C5: variants seen among roughly 807,000 people sequenced by gnomAD.
The protein encoded by C5 is complement C5.
Under a neutral mutation model 218.8 loss-of-function variants are expected in C5, and 140 were observed. That is an observed-to-expected ratio of 0.64 (90% CI 0.56 to 0.74). The LOEUF (loss-of-function observed/expected upper bound fraction) is 0.74. C5 is among the 30% of genes least tolerant of loss of function. The probability of loss-of-function intolerance (pLI) is 0.00; values close to 1 mark genes in which losing one functional copy is unlikely to be tolerated. For synonymous variants in C5, 614 were observed against 682.3 expected (o/e 0.90, Z 1.56); for missense variants, 1,700 against 1,969.6 (o/e 0.86, Z 2.59).
chr9:121,025,729 G>A (rs2047416310), intron 8 of C5, 149 bp from the exon 9 acceptor site: 3 of 686,112 alleles, frequency 4.4e-6, no homozygotes, highest in Non-Finnish European at 7.6e-6. Flanking sequence ...CCGAGTCCAC[G>A]ATTAAGCCCA....
At position 121,015,165 on chromosome 9, in the gene C5, T is replaced by C. The variant is rs374250376; in HGVS notation, c.2059+34A>G. 149 of 1,390,984 alleles carry C rather than the reference T, an allele frequency of 1.1e-4. 1 individual carries two copies. The African/African-American group carries it at 1.9e-3, about 18-fold the overall frequency. The allele number at this position is 1,390,984 out of a possible 1,614,324, so 86.2% of individuals were successfully genotyped here. A position where few individuals can be genotyped will look rare whatever the true frequency, so the allele number is the denominator to read the frequency against. The stretch of plus-strand genomic sequence containing the variant: ...GTCCAGTTTTTGAATGATATGACCA[T>C]AACCTTTTTACAATCACATGAATCT... On this transcript the variant is annotated intron_variant, in intron 16 of 40. Coordinates refer to ENST00000223642, the MANE Select transcript of C5 (RefSeq NM_001735.3).
chr9:121,009,761 G>T (rs529605510), intron 17 of C5, among the ~76,000 whole-genome samples: 1 of 152,346 alleles, frequency 6.6e-6, no homozygotes, highest in South Asian at 2.1e-4. Flanking sequence ...GAAGAGGGCA[G>T]GAAAGATAGT....
At chr9:120,963,455 A>C (rs1165420179) in intron 34 of C5, among the ~76,000 whole-genome samples, 181 bp downstream of exon 34, 1 of 152,164 alleles carries the variant, frequency 6.6e-6, no homozygotes, top group Non-Finnish European at 1.5e-5. Flanking sequence ...GCAATGAGCC[A>C]AGACTGCATC....
Position 121,023,465 on chromosome 9 carries a change from T to C in C5, c.1055A>G (p.Tyr352Cys), listed in dbSNP as rs983766923. ...IPGIKYVLSP[Y>C]KLNLVATPLF... is the part of the protein sequence containing the mutation. Reference sequence around the variant, plus strand: ...AGGAGTAGCAACCAAATTCAGTTTGTAGGGAGAGAGGACATATTTGATGCC... The same window carrying C: ...AGGAGTAGCAACCAAATTCAGTTTGCAGGGAGAGAGGACATATTTGATGCC... The change falls in exon 10 of 41, where the codon TAC (tyrosine) becomes TGC (cysteine). Residue 352 changes from tyrosine (Y) to cysteine (C), a missense_variant. Coordinates refer to ENST00000223642, the MANE Select transcript of C5 (RefSeq NM_001735.3). 7 of 1,614,034 alleles carry C rather than the reference T, an allele frequency of 4.3e-6. No individual in the cohort carries two copies. Among genetic ancestry groups the C allele is most frequent in the Non-Finnish European group, 5.9e-6 (7 of 1,179,916 alleles).
chr9:120,982,844 T>G, intron 25 of C5, 30 bp from the exon 26 acceptor site: 1 of 1,272,736 alleles, frequency 7.9e-7, no homozygotes, highest in Admixed American at 1.8e-5. Flanking sequence ...AAATAAATAT[T>G]TAGAACGCTG....
upstream of C5, among the ~76,000 whole-genome samples, chr9:121,051,393 G>A (rs1194970519): frequency 6.6e-6 from 1 of 151,886 alleles, no homozygotes; most frequent in African/African-American, 2.4e-5. Flanking sequence ...CAAAGTACTG[G>A]GATTACAGGC....
chr9:121,037,433 C>T, intron 4 of C5, among the ~76,000 whole-genome samples: 1 of 93,480 alleles, frequency 1.1e-5, no homozygotes, highest in East Asian at 4.9e-4. Context: ...CCCACCTCAG[C>T]CTCCCGAGTA....
At chr9:121,047,279 T>C (rs2047635757) in intron 1 of C5, among the ~76,000 whole-genome samples, 1 of 152,204 alleles carries the variant, frequency 6.6e-6, no homozygotes, top group Non-Finnish European at 1.5e-5. Context: ...AGTTGTTATG[T>C]GTACAGTTGA....
At chr9:120,971,132 A>T (rs1366427818) in intron 31 of C5, among the ~76,000 whole-genome samples, 1 of 148,552 alleles carries the variant, frequency 6.7e-6, no homozygotes, top group African/African-American at 2.5e-5. Context: ...AGATTGCACC[A>T]CTGCACTCTA....
chr9:120,997,842 G>A (rs971347191), intron 20 of C5, 68 bp from the exon 21 acceptor site: 34 of 1,360,762 alleles, frequency 2.5e-5, no homozygotes, highest in Non-Finnish European at 3.2e-5. Context: ...TTGCTATGTC[G>A]CCCAGGCTGG....
At chr9:121,013,752 A>G (rs2047282496) in intron 17 of C5, 121 bp downstream of exon 17, 7 of 936,246 alleles carry the variant, frequency 7.5e-6, no homozygotes, top group Non-Finnish European at 1.2e-5. Flanking sequence ...ATGGACATTT[A>G]CAAGTTATCT....
the C5 span, among the ~76,000 whole-genome samples, chr9:121,060,399 G>T: frequency 6.6e-6 from 1 of 152,226 alleles, no homozygotes; most frequent in South Asian, 2.1e-4. Flanking sequence ...CAGCTGCTTT[G>T]CCTTCTTCTT....
At chr9:121,021,466 G>A in intron 11 of C5, 43 bp downstream of exon 11, 1 of 1,497,862 alleles carries the variant, frequency 6.7e-7, no homozygotes, top group Non-Finnish European at 9.3e-7. Context: ...ATGGTCAAGA[G>A]TACACATTGT....
chr9:120,990,919 C>T (rs2047072283), intron 23 of C5, among the ~76,000 whole-genome samples: 1 of 152,120 alleles, frequency 6.6e-6, no homozygotes, highest in Non-Finnish European at 1.5e-5. Flanking sequence ...AACTGGACCC[C>T]CATTTTAGAG....
chr9:121,012,921 A>T (rs2047273805), intron 17 of C5, among the ~76,000 whole-genome samples: 1 of 152,230 alleles, frequency 6.6e-6, no homozygotes, highest in Admixed American at 6.5e-5. Context: ...ATAATCCTAT[A>T]GGATCACCGT....
intron 31 of C5, among the ~76,000 whole-genome samples, chr9:120,971,182 A>G (rs2046909914): frequency 6.6e-6 from 1 of 151,144 alleles, no homozygotes; most frequent in Non-Finnish European, 1.5e-5. Context: ...AAAAAAAAAA[A>G]AAAAAAGAAA....
the C5 span, among the ~76,000 whole-genome samples, chr9:121,072,554 C>A: frequency 2.0e-5 from 3 of 152,010 alleles, no homozygotes; most frequent in African/African-American, 7.2e-5. Context: ...CGCCTGTAAT[C>A]CCAGCACTTT....
At chr9:121,015,157 T>C in intron 16 of C5, 42 bp downstream of exon 16, 1 of 1,266,964 alleles carries the variant, frequency 7.9e-7, no homozygotes, top group Non-Finnish European at 1.2e-6. Context: ...TTTTGAATGA[T>C]ATGACCATAA....
chr9:121,007,067 A>G, intron 18 of C5, 90 bp from the exon 19 acceptor site: 1 of 990,076 alleles, frequency 1.0e-6, no homozygotes, highest in East Asian at 2.4e-5. Context: ...TTTTGCTTCA[A>G]ACTACTTTAG....
Sources: allele counts gnomAD v4.1 joint callset (sites outside exome capture counted in the v4.1 genomes callset), GRCh38; gene constraint gnomAD v4.1.1; transcripts MANE v1.5; gene names NCBI Gene and HGNC (gene_info 2026-07-23, HGNC 2026-07-21).